AGO4: variants seen among roughly 807,000 people sequenced by gnomAD.
AGO4 encodes protein argonaute-4.
In AGO4, 33 loss-of-function variants were observed where a neutral mutation model predicts 104.7. The observed-to-expected ratio is 0.32, with a 90% CI of 0.24 to 0.42. The LOEUF is 0.42. AGO4 is among the 10% of genes least tolerant of loss of function. AGO4 has a pLI of 1.00. For missense variants in AGO4, 711 were observed against 1,083.4 expected, an observed-to-expected ratio of 0.66 and a Z score of 4.83; for synonymous variants, 331 against 364.7, an observed-to-expected ratio of 0.91 and a Z score of 1.05.
In AGO4 at chr1:35,808,338, CGCGGCGGCGGCG is replaced by C. The variant is rs935802044; in HGVS notation, c.-65_-54del. On this transcript the variant is annotated 5_prime_UTR_variant, in exon 1 of 18. Transcript: ENST00000373210. The surrounding 1 kb of genome is among the most constrained non-coding windows in gnomAD (Gnocchi z 5.2). ...CCAATATTCCGGAGATCAAGCGTTA[CGCGGCGGCGGCG>C]GCGGCGGCGGCGGGGCCCGGAGCGG... 4.6e-6 allele frequency: 4 copies of C among 860,712 alleles called. No homozygotes were observed. The highest frequency in any genetic ancestry group is 5.6e-6 in the Non-Finnish European group (4 of 713,586). 53.3% of individuals were successfully genotyped at this position (860,712 alleles called of 1,614,324 possible). A position where few individuals can be genotyped will look rare whatever the true frequency, so the allele number is the denominator to read the frequency against.
intron 7 of AGO4, among the ~76,000 whole-genome samples, chr1:35,827,812 T>C (rs1644066507): frequency 1.9e-5 from 1 of 51,708 alleles, no homozygotes; most frequent in Non-Finnish European, 4.5e-5. Flanking sequence ...TTTTTTTTTC[T>C]TTTGGAGACA....
At chr1:35,828,903 A>G (rs1476141289) in intron 7 of AGO4, among the ~76,000 whole-genome samples, 2 of 152,274 alleles carry the variant, frequency 1.3e-5, no homozygotes, top group South Asian at 2.1e-4. Context: ...TTATATCTGT[A>G]TCTTATTCTT....
intron 13 of AGO4, among the ~76,000 whole-genome samples, chr1:35,839,786 C>T (rs1028645795): frequency 7.2e-5 from 11 of 151,824 alleles, no homozygotes; most frequent in African/African-American, 2.7e-4. Context: ...GTATGGGATG[C>T]CTCTTAAATT....
chr1:35,811,984 G>A (rs754307041), intron 1 of AGO4, among the ~76,000 whole-genome samples: 12 of 151,986 alleles, frequency 7.9e-5, no homozygotes, highest in Non-Finnish European at 1.5e-4. Flanking sequence ...TGAGGAAACC[G>A]AGATGCAGAG....
intron 13 of AGO4, among the ~76,000 whole-genome samples, chr1:35,837,662 GAGCCACCATGCCTAGCC>G (rs1644347044): frequency 1.3e-5 from 2 of 152,054 alleles, no homozygotes; most frequent in Admixed American, 6.5e-5. Flanking sequence ...TTACAGGCAT[GAGCCACCATGCCTAGCC>G]TAAACATCTT....
In AGO4 at chr1:35,852,309, G is replaced by C. The variant is rs142292912; in HGVS notation, c.2478-1188G>C. Among the ~76,000 whole-genome samples the C allele has an allele frequency of 1.9e-3, 286 of 152,338 alleles. 1 individual carries two copies. The highest frequency in any genetic ancestry group is 6.8e-3 in the Middle Eastern group (2 of 294). On this transcript the variant is annotated intron_variant, in intron 17 of 17. Transcript: ENST00000373210. Reference sequence around the variant, plus strand: ...AAAGATGGCTAAGATTTTGAGCCTAGATGATAAGGATAATAATCACTTAAA... The same window carrying C: ...AAAGATGGCTAAGATTTTGAGCCTACATGATAAGGATAATAATCACTTAAA...
At chr1:35,842,099 C>G (rs1644460546) in intron 15 of AGO4, among the ~76,000 whole-genome samples, 1 of 151,910 alleles carries the variant, frequency 6.6e-6, no homozygotes, top group African/African-American at 2.4e-5. Context: ...CTGCACAGTT[C>G]TAGGGTATAA....
chr1:35,844,953 C>T (rs1424878723), intron 15 of AGO4, among the ~76,000 whole-genome samples: 1 of 152,162 alleles, frequency 6.6e-6, no homozygotes, highest in Non-Finnish European at 1.5e-5. Context: ...ATTTCAGTGA[C>T]TCCATTGAAG....
rs1233434791 is a variant in AGO4 at position 35,808,048 on chromosome 1, C to G, written c.-369C>G. ...GACCCGCCTCGCCGCCTGCCGGGCT[C>G]TGTGGACCCCGCGCCCGGGGCCGCG... On this transcript the variant is annotated 5_prime_UTR_variant, in exon 1 of 18. Coordinates refer to ENST00000373210, the MANE Select transcript of AGO4 (RefSeq NM_017629.4). The surrounding 1 kb of genome is among the most constrained non-coding windows in gnomAD (Gnocchi z 5.2). The G allele has an allele frequency of 6.7e-6, 1 of 150,074 alleles. No individual in the cohort carries two copies. Among genetic ancestry groups the G allele is most frequent in the Non-Finnish European group, 1.5e-5 (1 of 67,242 alleles). The allele number at this position is 150,074 out of a possible 1,614,324, so 9.3% of individuals were successfully genotyped here.
rs574093020 is a variant in AGO4 at position 35,837,809 on chromosome 1, A to G, written c.1724+1816A>G. Among the ~76,000 whole-genome samples, 7 of 152,278 alleles carry G rather than the reference A, an allele frequency of 4.6e-5. No individual in the cohort carries two copies. The East Asian group carries it at 7.7e-4, about 17-fold the overall frequency. ...GTCCTTCACAAGATACAGATATCCT[A>G]TAGGCAAACAGGATAGGCAGATTAT... is the stretch of plus-strand genomic sequence containing the variant. On this transcript the variant is annotated intron_variant, in intron 13 of 17. Transcript: ENST00000373210.
At position 35,816,896 on chromosome 1, in the gene AGO4, C is replaced by G; in HGVS notation, c.34C>G (p.Leu12Val). Residue 12 changes from leucine (L) to valine (V), a missense_variant, in exon 2 of 18, where the codon CTG becomes GTG. This residue lies in a region of AGO4 where 308 missense variants were observed against 397.8 expected (regional missense o/e 0.77). Coordinates refer to ENST00000373210, the MANE Select transcript of AGO4 (RefSeq NM_017629.4). The stretch of plus-strand genomic sequence containing the variant: ...AATCTCTTTAGGACCTCCGGCTAGC[C>G]TGTTTCAGCCACCTCGTCGTCCTGG... ...EALGPGPPAS[L>V]FQPPRRPGLG... 2 of 1,612,598 alleles carry G rather than the reference C, an allele frequency of 1.2e-6. No homozygotes were observed. The highest frequency in any genetic ancestry group is 1.7e-6 in the Non-Finnish European group (2 of 1,179,274).
intron 17 of AGO4, among the ~76,000 whole-genome samples, chr1:35,851,779 C>T (rs72659701): frequency 0.057 from 8,652 of 152,180 alleles, 310 homozygotes; most frequent in South Asian, 0.067. Flanking sequence ...CCTTCCATTC[C>T]GTAATGTGCT....
In AGO4 at chr1:35,841,836, A is replaced by G; in HGVS notation, c.2175+86A>G. On this transcript the variant is annotated intron_variant, in intron 15 of 17. Transcript: ENST00000373210. The surrounding 1 kb of genome is among the most constrained non-coding windows in gnomAD (Gnocchi z 4.7). ...CATATATATATATATATATATATAT[A>G]TACACCATTTTTATACAATTTTTTT... 1 of 849,572 alleles carries G rather than the reference A, an allele frequency of 1.2e-6. No individual in the cohort carries two copies. The highest frequency in any genetic ancestry group is 1.5e-6 in the Non-Finnish European group (1 of 648,476). 52.6% of individuals were successfully genotyped at this position (849,572 alleles called of 1,614,324 possible).
intron 17 of AGO4, among the ~76,000 whole-genome samples, chr1:35,853,160 A>G (rs1393517604): frequency 6.6e-6 from 1 of 150,960 alleles, no homozygotes; most frequent in Non-Finnish European, 1.5e-5. Context: ...CTGAGGCAGG[A>G]GAATGGTGTA....
chr1:35,835,681 T>G (rs1384290691), intron 12 of AGO4, among the ~76,000 whole-genome samples, 153 bp from the exon 13 acceptor site: 2 of 152,024 alleles, frequency 1.3e-5, no homozygotes, highest in Non-Finnish European at 1.5e-5. Flanking sequence ...GCCCTGGGGG[T>G]TTAGCAGATA....
intron 17 of AGO4, 177 bp downstream of exon 17, chr1:35,851,230 T>C (rs1644695308): frequency 3.1e-6 from 2 of 654,398 alleles, no homozygotes; most frequent in South Asian, 3.9e-5. Flanking sequence ...CAAGAAGTGC[T>C]CAGGCTTGTT....
At chr1:35,845,541 C>G (rs1644552461) in intron 15 of AGO4, among the ~76,000 whole-genome samples, 1 of 152,036 alleles carries the variant, frequency 6.6e-6, no homozygotes, top group African/African-American at 2.4e-5. Context: ...CTTTCTCCCT[C>G]TCTCCATTAA....
At chr1:35,847,851 TTTTA>T (rs1388225561) in intron 15 of AGO4, among the ~76,000 whole-genome samples, 1 of 152,122 alleles carries the variant, frequency 6.6e-6, no homozygotes, top group African/African-American at 2.4e-5. Flanking sequence ...AAATTTATAT[TTTTA>T]TTTATTTTTA....
rs923848829 is a variant in AGO4, at chr1:35,853,755, C to T, written c.*150C>T. 6 of 592,458 alleles carry T rather than the reference C, an allele frequency of 1.0e-5. No individual in the cohort carries two copies. The highest frequency in any genetic ancestry group is 3.8e-5 in the African/African-American group (2 of 52,894). 36.7% of individuals were successfully genotyped at this position (592,458 alleles called of 1,614,324 possible). ...GTTGCACTGAATCTATACTTTGCAG[C>T]ACTGTCTGATGCGTCAACAAAATTG... On this transcript the variant is annotated 3_prime_UTR_variant, in exon 18 of 18. Coordinates refer to ENST00000373210, the MANE Select transcript of AGO4 (RefSeq NM_017629.4).
Sources: allele counts gnomAD v4.1 joint callset (sites outside exome capture counted in the v4.1 genomes callset), GRCh38; gene constraint gnomAD v4.1.1; regional missense constraint gnomAD v4.1.1; non-coding constraint Gnocchi (gnomAD v3.1); transcripts MANE v1.5; gene names NCBI Gene and HGNC (gene_info 2026-07-23, HGNC 2026-07-21).